Variants in CPHXL observed in about 807,000 individuals in gnomAD.
CPHXL encodes cytoplasmic polyadenylated homeobox like, also known as cytoplasmic polyadenylated homeobox-like protein.
chr16:75,715,834 T>A (rs919545160), intron 2 of CPHXL, among the ~76,000 whole-genome samples: 1 of 151,974 alleles, frequency 6.6e-6, no homozygotes. Flanking sequence ...GTAGCTGGAA[T>A]TACAGGAGCA....
chr16:75,724,511 G>A (rs1324943728), intron 1 of CPHXL, among the ~76,000 whole-genome samples: 3 of 152,132 alleles, frequency 2.0e-5, no homozygotes, highest in Admixed American at 6.5e-5. Flanking sequence ...GCAGCCAAAA[G>A]ACAAATGAAA....
chr16:75,719,557 G>A (rs866521140), intron 1 of CPHXL, among the ~76,000 whole-genome samples: 3 of 152,034 alleles, frequency 2.0e-5, no homozygotes, highest in African/African-American at 4.8e-5. Context: ...GCCTGGAGGA[G>A]GGGCGCCTGT....
rs1170947973 is a variant in CPHXL, at chr16:75,725,545, C to G, written c.25+873G>C. Among the ~76,000 whole-genome samples, 5 of 151,708 alleles carry G rather than the reference C, an allele frequency of 3.3e-5. No homozygotes were observed. The East Asian group carries it at 5.8e-4, about 18-fold the overall frequency. ...TCGGCTCACTGCAAGCTCCGCCTCCCGGGTTCACGCCATTCTCCTGCCTCA... is the reference window on the plus strand; with the variant it reads ...TCGGCTCACTGCAAGCTCCGCCTCCGGGGTTCACGCCATTCTCCTGCCTCA... On this transcript the variant is annotated intron_variant, in intron 1 of 2. Transcript: ENST00000640559.
chr16:75,722,101 A>G (rs999284087), intron 1 of CPHXL, among the ~76,000 whole-genome samples: 9 of 152,238 alleles, frequency 5.9e-5, no homozygotes, highest in African/African-American at 2.2e-4. Context: ...ACACATTCAA[A>G]GCAGTGTGTA....
At chr16:75,717,065 T>C (rs118112373) in intron 2 of CPHXL, among the ~76,000 whole-genome samples, 1 of 152,350 alleles carries the variant, frequency 6.6e-6, no homozygotes, top group East Asian at 1.9e-4. Flanking sequence ...CCAAGTAACC[T>C]TTGAGTCCAC....
At chr16:75,723,958 G>T (rs1959516881) in intron 1 of CPHXL, among the ~76,000 whole-genome samples, 1 of 152,170 alleles carries the variant, frequency 6.6e-6, no homozygotes, top group African/African-American at 2.4e-5. Context: ...AGAGCCCTCA[G>T]AAATAATGCC....
intron 2 of CPHXL, among the ~76,000 whole-genome samples, chr16:75,716,234 C>G (rs2151838359): frequency 6.6e-6 from 1 of 152,262 alleles, no homozygotes; most frequent in South Asian, 2.1e-4. Flanking sequence ...GTAGTGCACA[C>G]CAGGTGGGTG....
intron 1 of CPHXL, among the ~76,000 whole-genome samples, chr16:75,722,395 T>C (rs1334993579): frequency 1.3e-5 from 2 of 152,080 alleles, no homozygotes; most frequent in Admixed American, 1.3e-4. Flanking sequence ...AAGAATCAAA[T>C]AGACACAATA....
intron 1 of CPHXL, among the ~76,000 whole-genome samples, chr16:75,723,289 T>A (rs896169297): frequency 6.6e-6 from 1 of 152,122 alleles, no homozygotes; most frequent in Non-Finnish European, 1.5e-5. Flanking sequence ...GGTATTCAAT[T>A]AGGAAAAGAG....
intron 1 of CPHXL, among the ~76,000 whole-genome samples, chr16:75,719,311 C>G (rs1959440134): frequency 6.6e-6 from 1 of 152,180 alleles, no homozygotes; most frequent in Admixed American, 6.5e-5. Flanking sequence ...GAGGCATCGC[C>G]TCACTTGGGA....
At chr16:75,723,762 A>G (rs1959512427) in intron 1 of CPHXL, among the ~76,000 whole-genome samples, 1 of 152,230 alleles carries the variant, frequency 6.6e-6, no homozygotes. Flanking sequence ...TTTAAAGTTC[A>G]TATGGAACCA....
Position 75,718,257 on chromosome 16 carries a change from G to A in CPHXL, c.219+8C>T. ...CTAGGAAATATACATATGAGGTCTT[G>A]AACTTACATCTATCACATTTACCGG... is the stretch of plus-strand genomic sequence containing the variant. On this transcript the variant is annotated splice_region_variant and intron_variant, in intron 2 of 2. Coordinates refer to ENST00000640559, the MANE Select transcript of CPHXL (RefSeq NM_001355613.1). 1 of 398,540 alleles carries A rather than the reference G, an allele frequency of 2.5e-6. No individual in the cohort carries two copies. Among genetic ancestry groups the A allele is most frequent in the Non-Finnish European group, 4.4e-6 (1 of 226,080 alleles). The allele number at this position is 398,540 out of a possible 1,614,324, so 24.7% of individuals were successfully genotyped here. A position where few individuals can be genotyped will look rare whatever the true frequency, so the allele number is the denominator to read the frequency against.
At chr16:75,716,961 T>G (rs902759406) in intron 2 of CPHXL, among the ~76,000 whole-genome samples, 1 of 152,238 alleles carries the variant, frequency 6.6e-6, no homozygotes, top group African/African-American at 2.4e-5. Context: ...GTGTCCAAAA[T>G]GTAAACTTTG....
At chr16:75,722,036 A>G (rs182375675) in intron 1 of CPHXL, among the ~76,000 whole-genome samples, 25 of 152,368 alleles carry the variant, frequency 1.6e-4, no homozygotes, top group Admixed American at 1.1e-3. Flanking sequence ...GGCAGAAACA[A>G]AGATGTTCTT....
intron 1 of CPHXL, among the ~76,000 whole-genome samples, chr16:75,721,461 G>A (rs376714186): frequency 7.2e-5 from 11 of 151,888 alleles, no homozygotes; most frequent in African/African-American, 1.2e-4. Context: ...TCCTAGTCTC[G>A]GATAAAACAG....
rs753165928 is a variant in CPHXL at position 75,714,839 on chromosome 16, T to C, written c.603A>G (p.Gln201=). ...GATAGGAACTCTGGGAGGCCACCTG[T>C]TGACTGGGAATCCCTAGTTTCTCCA... ...SYLEKLGIPS[Q]QVASQSSYLV... Residue 201 remains glutamine, a synonymous_variant, in exon 3 of 3, where the codon CAA becomes CAG. Coordinates refer to ENST00000640559, the MANE Select transcript of CPHXL (RefSeq NM_001355613.1). 1 of 398,682 alleles carries C rather than the reference T, an allele frequency of 2.5e-6. No homozygotes were observed. Among genetic ancestry groups the C allele is most frequent in the Non-Finnish European group, 4.4e-6 (1 of 226,114 alleles). The allele number at this position is 398,682 out of a possible 1,614,324, so 24.7% of individuals were successfully genotyped here.
intron 1 of CPHXL, among the ~76,000 whole-genome samples, chr16:75,721,257 A>G (rs1256185358): frequency 6.6e-6 from 1 of 152,230 alleles, no homozygotes; most frequent in African/African-American, 2.4e-5. Flanking sequence ...TAACAATATT[A>G]ACCTTAAATG....
intron 1 of CPHXL, among the ~76,000 whole-genome samples, chr16:75,724,190 A>G (rs1959520804): frequency 6.6e-6 from 1 of 152,206 alleles, no homozygotes. Flanking sequence ...AACCTAGGCA[A>G]TACCATTCAG....
At chr16:75,722,383 A>G (rs1376808348) in intron 1 of CPHXL, among the ~76,000 whole-genome samples, 2 of 152,198 alleles carry the variant, frequency 1.3e-5, no homozygotes, top group African/African-American at 4.8e-5. Context: ...AAGAAAAGAG[A>G]GAAGAATCAA....
Sources: allele counts gnomAD v4.1 joint callset (sites outside exome capture counted in the v4.1 genomes callset), GRCh38; gene constraint gnomAD v4.1.1; transcripts MANE v1.5; gene names NCBI Gene and HGNC (gene_info 2026-07-23, HGNC 2026-07-21).